Variants in SPATA4 observed in about 807,000 individuals in gnomAD.
SPATA4 encodes spermatogenesis associated 4.
In SPATA4, 35 loss-of-function variants were observed where a neutral mutation model predicts 31.8. The observed-to-expected ratio is 1.10, with a 90% confidence interval of 0.84 to 1.46. The LOEUF is 1.46. SPATA4 is among the 40% of genes most tolerant of loss of function. The pLI is 0.00. For missense variants in SPATA4, 394 were observed against 363.1 expected (o/e 1.09, Z -0.69); for synonymous variants, 126 against 132.4 (o/e 0.95, Z 0.33).
chr4:176,188,116 T>C lies in SPATA4; in HGVS notation c.805+3A>G. The C allele has an allele frequency of 6.2e-7, 1 of 1,600,408 alleles. No individual in the cohort carries two copies. Among genetic ancestry groups the C allele is most frequent in the South Asian group, 1.1e-5 (1 of 89,936 alleles). ...TTTTAAGAAGCAAAGAGTTAAAACT[T>C]ACGTAAAACAGGGACAACTCTTCCT... On this transcript the variant is annotated splice_donor_region_variant and intron_variant, in intron 5 of 5. Transcript: ENST00000280191.
Position 176,195,582 on chromosome 4 carries a change from C to T in SPATA4, c.-20G>A, listed in dbSNP as rs200238044. 1.7e-5 allele frequency: 28 copies of T among 1,611,102 alleles called. No homozygotes were observed. In the Admixed American group the frequency reaches 3.0e-4, roughly 17 times the overall value. On this transcript the variant is annotated 5_prime_UTR_variant, in exon 1 of 6. Coordinates refer to ENST00000280191, the MANE Select transcript of SPATA4 (RefSeq NM_144644.4). ...AGCCATGACGCTTTCTGGGTTGCTG[C>T]GGCAACAGCAGAAGGCGGGGCTGGG...
intron 5 of SPATA4, among the ~76,000 whole-genome samples, chr4:176,187,795 C>T (rs1486670486): frequency 6.6e-6 from 1 of 152,188 alleles, no homozygotes; most frequent in Non-Finnish European, 1.5e-5. Flanking sequence ...ATATCTGTCT[C>T]AGGACTGACT....
chr4:176,195,215 G>T, intron 1 of SPATA4, 130 bp downstream of exon 1: 1 of 732,956 alleles, frequency 1.4e-6, no homozygotes, highest in Non-Finnish European at 2.3e-6. Context: ...GTTTTCGTGT[G>T]TGTACGTGGG....
chr4:176,194,411 A>G (rs1012669789), intron 1 of SPATA4: 2 of 152,172 alleles, frequency 1.3e-5, no homozygotes, highest in African/African-American at 4.8e-5. Flanking sequence ...AGATTTTTAA[A>G]AAGGCATTAA....
chr4:176,190,221 G>A (rs752221241), intron 4 of SPATA4, among the ~76,000 whole-genome samples: 3 of 152,028 alleles, frequency 2.0e-5, no homozygotes, highest in Non-Finnish European at 4.4e-5. Context: ...TTCTTTCTTT[G>A]GAGGCAAAAT....
At position 176,184,672 on chromosome 4, in the gene SPATA4, C is replaced by T; in HGVS notation, c.*108G>A. 1.9e-6 allele frequency: 1 copy of T among 525,678 alleles called. No individual in the cohort carries two copies. Among genetic ancestry groups the T allele is most frequent in the Non-Finnish European group, 3.3e-6 (1 of 307,420 alleles). 32.6% of individuals were successfully genotyped at this position (525,678 alleles called of 1,614,324 possible). ...TTCTTTAACACAATTATGGAAAAGA[C>T]ACCACTCTATTTATTATTGAAATAC... is the stretch of plus-strand genomic sequence containing the variant. On this transcript the variant is annotated 3_prime_UTR_variant, in exon 6 of 6. Coordinates refer to ENST00000280191, the MANE Select transcript of SPATA4 (RefSeq NM_144644.4).
At chr4:176,189,534 T>C (rs2126922735) in intron 4 of SPATA4, among the ~76,000 whole-genome samples, 1 of 151,864 alleles carries the variant, frequency 6.6e-6, no homozygotes, top group African/African-American at 2.4e-5. Flanking sequence ...TTCATAACAA[T>C]AAATCACTGT....
intron 1 of SPATA4, 82 bp downstream of exon 1, chr4:176,195,263 G>A (rs1042227013): frequency 9.4e-6 from 13 of 1,382,172 alleles, no homozygotes; most frequent in Admixed American, 3.4e-5. Context: ...CCAGGCCAGG[G>A]TAGGCAATCT....
rs148258175 is a variant in SPATA4, at chr4:176,185,051, G to A, written c.806-159C>T. 3.2e-3 allele frequency among the ~76,000 whole-genome samples: 490 copies of A among 152,148 alleles called. 4 individuals carry two copies. Among genetic ancestry groups the A allele is most frequent in the Non-Finnish European group, 6.0e-3 (407 of 67,998 alleles). The stretch of plus-strand genomic sequence containing the variant: ...TGGTAAACAAGAATATTTAAATCAC[G>A]CATTATAGTACTCATGGATTAAAAA... On this transcript the variant is annotated intron_variant, in intron 5 of 5. Coordinates refer to ENST00000280191, the MANE Select transcript of SPATA4 (RefSeq NM_144644.4).
At position 176,195,465 on chromosome 4, in the gene SPATA4, C is replaced by T. The variant is rs755355361; in HGVS notation, c.98G>A (p.Arg33Gln). 14 of 1,614,136 alleles carry T rather than the reference C, an allele frequency of 8.7e-6. No homozygotes were observed. The highest frequency in any genetic ancestry group is 1.3e-5 in the African/African-American group (1 of 74,934). ...GACCAGACACTTCTTAGGCCTCCCTCGGATGGGAGCTGCTAGCTGTGGCGA... is the reference window on the plus strand; with the variant it reads ...GACCAGACACTTCTTAGGCCTCCCTTGGATGGGAGCTGCTAGCTGTGGCGA... ...SLSPQLAAPIRGRPKKCLVYP... is the reference protein window; with the variant it reads ...SLSPQLAAPIQGRPKKCLVYP... Residue 33 changes from arginine (R) to glutamine (Q), a missense_variant, in exon 1 of 6, where the codon CGA (arginine) becomes CAA (glutamine). Physicochemically the swap from Arg to Gln is conservative, Grantham distance 43. Coordinates refer to ENST00000280191, the MANE Select transcript of SPATA4 (RefSeq NM_144644.4).
chr4:176,188,285 T>C (rs1429909583), intron 4 of SPATA4, 50 bp from the exon 5 acceptor site: 2 of 1,188,126 alleles, frequency 1.7e-6, no homozygotes, highest in Non-Finnish European at 1.2e-6. Context: ...ATAATGGCCA[T>C]TGTCAAAATA....
rs1561240613 is a variant in SPATA4, at chr4:176,192,858, AAAAT to A, written c.468-15_468-12del. On this transcript the variant is annotated splice_polypyrimidine_tract_variant and intron_variant, in intron 3 of 5. Transcript: ENST00000280191. ...TGGATACTTTTAATTCTGGAAATAA[AAAAT>A]AAAATACTGTTGACAAGCAACATTT... is the stretch of plus-strand genomic sequence containing the variant. The A allele has an allele frequency of 6.2e-7, 1 of 1,608,230 alleles. No individual in the cohort carries two copies. Among genetic ancestry groups the A allele is most frequent in the Non-Finnish European group, 8.5e-7 (1 of 1,177,558 alleles).
chr4:176,184,728 T>C lies in SPATA4; in HGVS notation c.*52A>G, dbSNP rs1353663777. Reference sequence around the variant, plus strand: ...ATACTAGGTGATTCTGTTTCTTTATTATGGCTAGAGATGGTGGCATCACTT... The same window carrying C: ...ATACTAGGTGATTCTGTTTCTTTATCATGGCTAGAGATGGTGGCATCACTT... On this transcript the variant is annotated 3_prime_UTR_variant, in exon 6 of 6. Coordinates refer to ENST00000280191, the MANE Select transcript of SPATA4 (RefSeq NM_144644.4). 9.6e-7 allele frequency: 1 copy of C among 1,043,926 alleles called. No homozygotes were observed. 64.7% of individuals were successfully genotyped at this position (1,043,926 alleles called of 1,614,324 possible).
intron 2 of SPATA4, among the ~76,000 whole-genome samples, 188 bp downstream of exon 2, chr4:176,193,265 T>C (rs1752561161): frequency 6.6e-6 from 1 of 152,348 alleles, no homozygotes; most frequent in Non-Finnish European, 1.5e-5. Flanking sequence ...GAAATAATTA[T>C]GCTCAGTTTC....
intron 1 of SPATA4, chr4:176,193,794 G>C: frequency 2.5e-6 from 1 of 393,564 alleles, no homozygotes. Context: ...AACCCAAACT[G>C]TTAATTTGTA....
At position 176,192,601 on chromosome 4, in the gene SPATA4, C is replaced by T. The variant is rs528359216; in HGVS notation, c.688+26G>A. 18 of 1,585,026 alleles carry T rather than the reference C, an allele frequency of 1.1e-5. No homozygotes were observed. In the Admixed American group the frequency reaches 3.0e-4, roughly 26 times the overall value. On this transcript the variant is annotated intron_variant, in intron 4 of 5. Coordinates refer to ENST00000280191, the MANE Select transcript of SPATA4 (RefSeq NM_144644.4). ...AATAGCCTGATAGAGCTTGGAAGAA[C>T]TCAGCTGTTTCAAAGGAAAACTTAC...
In SPATA4 at chr4:176,184,860, C is replaced by T. The variant is rs201475322; in HGVS notation, c.838G>A (p.Glu280Lys). The T allele has an allele frequency of 3.9e-6, 5 of 1,266,878 alleles. No homozygotes were observed. In the African/African-American group the frequency reaches 4.2e-5, roughly 11 times the overall value. 78.5% of individuals were successfully genotyped at this position (1,266,878 alleles called of 1,614,324 possible). The stretch of plus-strand genomic sequence containing the variant: ...TGTCCAGCTTGCTTCACATGTATTT[C>T]TCTATGTGAACTGCCACCACTACCT... ...NIGSGGSSHREIHVKQAGQHS... is the reference protein window; with the variant it reads ...NIGSGGSSHRKIHVKQAGQHS... Residue 280 changes from glutamate (E) to lysine (K), a missense_variant, in exon 6 of 6, where the codon GAA (glutamate) becomes AAA (lysine). By Grantham distance (56) the Glu-to-Lys change is moderately conservative (BLOSUM62 1). Transcript: ENST00000280191.
chr4:176,193,796 T>A (rs182019405), intron 1 of SPATA4: 8 of 385,380 alleles, frequency 2.1e-5, no homozygotes, highest in Admixed American at 1.3e-4. Context: ...CCCAAACTGT[T>A]AATTTGTATT....
chr4:176,193,554 C>T lies in SPATA4; in HGVS notation c.247G>A (p.Glu83Lys). The change falls in exon 2 of 6, where the codon GAA (glutamate) becomes AAA (lysine). Residue 83 changes from glutamate to lysine, a missense_variant. Physicochemically the swap from Glu to Lys is moderately conservative, Grantham distance 56. Coordinates refer to ENST00000280191, the MANE Select transcript of SPATA4 (RefSeq NM_144644.4). ...CAGGGGTAATATATACAGAATATTT[C>T]TGCAATTAGGAAGCCATTTGAAAAA... ...RDFSNGFLIA[E>K]IFCIYYPWEL... 1.2e-6 allele frequency: 2 copies of T among 1,610,110 alleles called. No homozygotes were observed. The highest frequency in any genetic ancestry group is 1.7e-6 in the Non-Finnish European group (2 of 1,179,132).
Sources: gnomAD v4.1 joint callset for allele counts (sites outside exome capture counted in the v4.1 genomes callset) on GRCh38, gnomAD v4.1.1 for gene constraint, MANE v1.5 for transcripts, NCBI Gene and HGNC (gene_info 2026-07-23, HGNC 2026-07-21) for gene names.